Variants in NRK observed in about 807,000 individuals in gnomAD.
The protein encoded by NRK is Nik related kinase.
In NRK, 67 loss-of-function variants were observed where a neutral mutation model predicts 125.2. That is an observed-to-expected ratio of 0.54 (90% CI 0.44 to 0.66). The LOEUF (loss-of-function observed/expected upper bound fraction) is 0.66. Ranked by LOEUF, NRK falls within the 30% of genes least tolerant of loss-of-function variation. The pLI, the probability that NRK is intolerant of heterozygous loss-of-function variation, is 0.00. For missense variants in NRK, 1,224 were observed against 1,192.9 expected (o/e 1.03, Z -0.38); for synonymous variants, 458 against 429.0 (o/e 1.07, Z -0.84).
chrX:105,842,262 A>C (rs1160727773), intron 2 of NRK, among the ~76,000 whole-genome samples: 4 of 111,102 alleles, frequency 3.6e-5, no homozygotes, highest in Non-Finnish European at 5.7e-5. Context: ...TCTGGAACGT[A>C]ATAGATTTCA....
In NRK at chrX:105,871,720, A is replaced by G. The variant is rs191422393; in HGVS notation, c.124-8479A>G. On this transcript the variant is annotated intron_variant, in intron 2 of 28. Transcript: ENST00000243300. ...TGGCAAAAGGAACTTAAGATGGCTC[A>G]GGAATATAAAGTGCCAACTGATCAT... 8.0e-5 allele frequency among the ~76,000 whole-genome samples: 9 copies of G among 111,812 alleles called. No individual in the cohort carries two copies. The East Asian group carries it at 2.3e-3, about 28-fold the overall frequency.
rs746615180 is a variant in NRK, at chrX:105,934,389, A to G, written c.3444A>G (p.Ser1148=). The change falls in exon 20 of 29, where the codon TCA becomes TCG. Residue 1148 remains serine (S), a synonymous_variant. Transcript: ENST00000243300. Reference sequence around the variant, plus strand: ...AATCAGATTTTTCTGCCAATCACTCATCTCCTTCCAAAGGTTCTGGGATGT... The same window carrying G: ...AATCAGATTTTTCTGCCAATCACTCGTCTCCTTCCAAAGGTTCTGGGATGT... ...STQSDFSANH[S]SPSKGSGMSA... 3.3e-6 allele frequency: 4 copies of G among 1,205,980 alleles called. No homozygotes were observed. The highest frequency in any genetic ancestry group is 4.4e-5 in the Admixed American group (2 of 45,798).
intron 23 of NRK, among the ~76,000 whole-genome samples, chrX:105,941,294 C>T (rs545724465): frequency 1.8e-5 from 2 of 111,004 alleles, no homozygotes; most frequent in East Asian, 5.7e-4. Flanking sequence ...AAGCATTTGT[C>T]CCACTGACAG....
intron 2 of NRK, among the ~76,000 whole-genome samples, chrX:105,868,715 T>C (rs2039703593): frequency 9.7e-6 from 1 of 103,089 alleles, no homozygotes; most frequent in African/African-American, 3.6e-5. Flanking sequence ...CCCATCCACT[T>C]CCCCCGCCCC....
At chrX:105,840,355 T>C (rs891424170) in intron 2 of NRK, among the ~76,000 whole-genome samples, 4 of 111,973 alleles carry the variant, frequency 3.6e-5, no homozygotes, top group Admixed American at 9.5e-5. Context: ...TCAAATTATG[T>C]ATTTGGTGTA....
chrX:105,893,827 T>A lies in NRK; in HGVS notation c.379-5T>A. ...ATTTTTTATACTTTGCTGGCTTTCC[T>A]GCAGATGGTGATGGAGTTATGTGCA... On this transcript the variant is annotated splice_polypyrimidine_tract_variant and splice_region_variant and intron_variant, in intron 5 of 28. Transcript: ENST00000243300. 1 of 1,136,724 alleles carries A rather than the reference T, an allele frequency of 8.8e-7. No individual in the cohort carries two copies. The allele number at this position is 1,136,724 out of a possible 1,213,427, so 93.7% of individuals were successfully genotyped here. A position where few individuals can be genotyped will look rare whatever the true frequency, so the allele number is the denominator to read the frequency against.
At chrX:105,900,141 A>G (rs981938943) in intron 8 of NRK, among the ~76,000 whole-genome samples, 2 of 94,425 alleles carry the variant, frequency 2.1e-5, no homozygotes, top group South Asian at 6.4e-4. Flanking sequence ...TATTCCAGGA[A>G]CTGCTGAAGT....
chrX:105,908,349 A>C, intron 12 of NRK, 46 bp downstream of exon 12: 1 of 663,960 alleles, frequency 1.5e-6, no homozygotes, highest in Non-Finnish European at 2.2e-6. Context: ...AGCAATTCAC[A>C]TAAGGCCGTT....
intron 9 of NRK, among the ~76,000 whole-genome samples, chrX:105,904,833 C>A (rs774487801): frequency 9.0e-6 from 1 of 111,248 alleles, no homozygotes; most frequent in Non-Finnish European, 1.9e-5. Context: ...GCTTTCTAGA[C>A]TACTAAATCA....
chrX:105,927,786 A>T (rs209081), intron 19 of NRK, among the ~76,000 whole-genome samples: 22,321 of 110,378 alleles, frequency 0.2, 1,645 homozygotes, highest in Middle Eastern at 0.32. Flanking sequence ...ATGTTTATTG[A>T]TTTGCATATG....
intron 4 of NRK, among the ~76,000 whole-genome samples, chrX:105,885,922 A>G (rs186912826): frequency 6.3e-5 from 7 of 111,977 alleles, no homozygotes; most frequent in African/African-American, 2.3e-4. Flanking sequence ...AATGGCTGCT[A>G]TCTTCCATCA....
rs2039038268 is a variant in NRK, at chrX:105,822,770, A to C, written c.-76A>C. ...TCCTCCTTCCTCTCTCCTCCCTTCA[A>C]CTCTTCATCCGCTTCCACCTCAGAC... On this transcript the variant is annotated 5_prime_UTR_variant, in exon 1 of 29. Transcript: ENST00000243300. 2.1e-6 allele frequency: 2 copies of C among 966,602 alleles called. No individual in the cohort carries two copies. Among genetic ancestry groups the C allele is most frequent in the Non-Finnish European group, 2.9e-6 (2 of 692,475 alleles). The allele number at this position is 966,602 out of a possible 1,213,427, so 79.7% of individuals were successfully genotyped here. A position where few individuals can be genotyped will look rare whatever the true frequency, so the allele number is the denominator to read the frequency against.
At chrX:105,890,838 A>G (rs2040007884) in intron 5 of NRK, among the ~76,000 whole-genome samples, 2 of 111,876 alleles carry the variant, frequency 1.8e-5, no homozygotes, top group South Asian at 7.5e-4. Flanking sequence ...CAGCCAAACC[A>G]TATCATGTGG....
At chrX:105,920,298 C>T (rs2040423193) in intron 16 of NRK, among the ~76,000 whole-genome samples, 1 of 107,791 alleles carries the variant, frequency 9.3e-6, no homozygotes, top group African/African-American at 3.6e-5. Context: ...TTACTGTAGC[C>T]TTGTAATATA....
In NRK at chrX:105,955,636, C is replaced by T. The variant is rs760402912; in HGVS notation, c.*36C>T. The T allele has an allele frequency of 1.4e-5, 9 of 666,446 alleles. No individual in the cohort carries two copies. The highest frequency in any genetic ancestry group is 7.1e-6 in the Non-Finnish European group (3 of 421,306). 54.9% of individuals were successfully genotyped at this position (666,446 alleles called of 1,213,427 possible). ...TGATTTATTACCACATTATAAACAT[C>T]ATGTATAGGCAGTCTGCATCTTCAG... is the stretch of plus-strand genomic sequence containing the variant. On this transcript the variant is annotated 3_prime_UTR_variant, in exon 29 of 29. Coordinates refer to ENST00000243300, the MANE Select transcript of NRK (RefSeq NM_198465.4).
At chrX:105,840,000 T>C (rs1466333371) in intron 2 of NRK, among the ~76,000 whole-genome samples, 2 of 111,696 alleles carry the variant, frequency 1.8e-5, no homozygotes, top group African/African-American at 3.2e-5. Context: ...AAAAACAGCA[T>C]AGGCTAAATA....
chrX:105,829,106 A>G (rs1454773162), intron 1 of NRK, among the ~76,000 whole-genome samples: 1 of 111,824 alleles, frequency 8.9e-6, no homozygotes, highest in African/African-American at 3.2e-5. Flanking sequence ...CTTTTATTTT[A>G]TGTATGTGAA....
intron 19 of NRK, among the ~76,000 whole-genome samples, chrX:105,933,759 A>G (rs2040625961): frequency 8.9e-6 from 1 of 112,025 alleles, no homozygotes; most frequent in African/African-American, 3.2e-5. Context: ...ATATTTTTTC[A>G]AGAGGCTGTT....
intron 3 of NRK, among the ~76,000 whole-genome samples, chrX:105,880,648 C>T (rs991289897): frequency 1.8e-5 from 2 of 111,136 alleles, no homozygotes; most frequent in East Asian, 2.8e-4. Context: ...ATGATTTCCT[C>T]TGATAATTGA....
Sources: allele counts gnomAD v4.1 joint callset (sites outside exome capture counted in the v4.1 genomes callset), GRCh38; gene constraint gnomAD v4.1.1; transcripts MANE v1.5; gene names NCBI Gene and HGNC (gene_info 2026-07-23, HGNC 2026-07-21).